Variants in IQCM observed in about 807,000 individuals in gnomAD.
IQCM encodes the protein IQ domain-containing protein M.
In IQCM, 45 loss-of-function variants were observed where a neutral mutation model predicts 57.6. That is an observed-to-expected ratio of 0.78 (90% CI 0.62 to 1.00). The LOEUF (loss-of-function observed/expected upper bound fraction) is 1.00, where lower values mean the gene tolerates loss of function less well. Among genes scored for constraint, IQCM ranks in the 50% least tolerant of loss-of-function variants. IQCM has a pLI of 0.00. For missense variants in IQCM, 468 were observed against 511.6 expected, an observed-to-expected ratio of 0.91 and a Z score of 0.82; for synonymous variants, 148 against 158.9, an observed-to-expected ratio of 0.93 and a Z score of 0.51.
At chr4:149,437,622 C>A (rs780483985) in intron 12 of IQCM, among the ~76,000 whole-genome samples, 4 of 152,010 alleles carry the variant, frequency 2.6e-5, no homozygotes, top group Admixed American at 6.6e-5. Context: ...CTTGGTGCCT[C>A]CCTCCTGCAG....
intron 13 of IQCM, among the ~76,000 whole-genome samples, chr4:149,366,413 C>T (rs1446461205): frequency 6.6e-6 from 1 of 151,796 alleles, no homozygotes; most frequent in Non-Finnish European, 1.5e-5. Flanking sequence ...ATCCTACCTC[C>T]AAAACTTCCC....
intron 12 of IQCM, among the ~76,000 whole-genome samples, chr4:149,505,094 G>A (rs891041923): frequency 6.6e-6 from 1 of 152,108 alleles, no homozygotes; most frequent in Non-Finnish European, 1.5e-5. Context: ...AGTAGTCCAA[G>A]TGAACTAAGA....
intron 12 of IQCM, among the ~76,000 whole-genome samples, chr4:149,513,312 A>G (rs1404498823): frequency 6.6e-6 from 1 of 152,202 alleles, no homozygotes; most frequent in East Asian, 1.9e-4. Flanking sequence ...TGCCCAAGTC[A>G]TCCTTATGTT....
At chr4:149,508,082 G>A (rs947296385) in intron 12 of IQCM, among the ~76,000 whole-genome samples, 6 of 151,994 alleles carry the variant, frequency 3.9e-5, no homozygotes, top group South Asian at 4.2e-4. Context: ...GAAGAATTGA[G>A]GTTTGGGAAC....
intron 13 of IQCM, among the ~76,000 whole-genome samples, chr4:149,363,123 A>C (rs2110929833): frequency 6.6e-6 from 1 of 152,366 alleles, no homozygotes; most frequent in Non-Finnish European, 1.5e-5. Context: ...TGGGTTGCTG[A>C]GAGCACAGAG....
At chr4:149,386,774 T>C (rs1191781451) in intron 13 of IQCM, among the ~76,000 whole-genome samples, 2 of 152,060 alleles carry the variant, frequency 1.3e-5, no homozygotes, top group Non-Finnish European at 2.9e-5. Context: ...GGTCAGGTGT[T>C]CTATAGAATG....
intron 2 of IQCM, among the ~76,000 whole-genome samples, chr4:149,798,796 T>A (rs1369232264): frequency 1.3e-5 from 2 of 151,780 alleles, no homozygotes; most frequent in Non-Finnish European, 3.0e-5. Flanking sequence ...AGGGTGCATA[T>A]ATATGTATCT....
At chr4:149,408,449 T>C (rs1733138443) in intron 13 of IQCM, among the ~76,000 whole-genome samples, 1 of 152,174 alleles carries the variant, frequency 6.6e-6, no homozygotes, top group Non-Finnish European at 1.5e-5. Context: ...AACTGTGGTG[T>C]TGTTTCTTTT....
intron 13 of IQCM, among the ~76,000 whole-genome samples, chr4:149,419,650 TTAAAC>T: frequency 6.6e-6 from 1 of 152,224 alleles, no homozygotes; most frequent in East Asian, 1.9e-4. Context: ...TGGGATCTGA[TTAAAC>T]TAAAGAGTTT....
At chr4:149,591,698 C>T (rs573163737) in intron 8 of IQCM, among the ~76,000 whole-genome samples, 2 of 152,152 alleles carry the variant, frequency 1.3e-5, no homozygotes, top group South Asian at 2.1e-4. Context: ...CACAAACATG[C>T]GGTGTTTGGT....
chr4:149,618,688 A>C (rs1427825336), intron 8 of IQCM, among the ~76,000 whole-genome samples: 1 of 152,194 alleles, frequency 6.6e-6, no homozygotes, highest in Admixed American at 6.5e-5. Flanking sequence ...ATAAGTGGAC[A>C]TTTTTCAAAA....
chr4:149,471,500 C>A (rs977171989), intron 12 of IQCM, among the ~76,000 whole-genome samples: 4 of 152,134 alleles, frequency 2.6e-5, no homozygotes, highest in Non-Finnish European at 4.4e-5. Context: ...AAAAAAAGTC[C>A]AGGCCCAGAT....
intron 9 of IQCM, among the ~76,000 whole-genome samples, chr4:149,584,941 C>T (rs1186554937): frequency 6.6e-6 from 1 of 151,678 alleles, no homozygotes; most frequent in Non-Finnish European, 1.5e-5. Context: ...TTTTAGTTTG[C>T]TTAACTTCCC....
At chr4:149,728,983 A>C (rs1766212450) in intron 5 of IQCM, among the ~76,000 whole-genome samples, 1 of 152,220 alleles carries the variant, frequency 6.6e-6, no homozygotes, top group Non-Finnish European at 1.5e-5. Flanking sequence ...CATCTTCCCC[A>C]AAGCATATAG....
chr4:149,551,996 A>G (rs1749082311), intron 11 of IQCM, among the ~76,000 whole-genome samples: 1 of 152,032 alleles, frequency 6.6e-6, no homozygotes, highest in Non-Finnish European at 1.5e-5. Flanking sequence ...GCTGGGCTGG[A>G]TGAATTGATC....
intron 9 of IQCM, among the ~76,000 whole-genome samples, chr4:149,574,758 T>C (rs958104713): frequency 3.3e-5 from 5 of 151,972 alleles, no homozygotes; most frequent in African/African-American, 9.7e-5. Context: ...CTAATTAGTT[T>C]TGGCTGATAT....
intron 12 of IQCM, among the ~76,000 whole-genome samples, chr4:149,483,680 T>C (rs1741154899): frequency 6.6e-6 from 1 of 152,064 alleles, no homozygotes; most frequent in Non-Finnish European, 1.5e-5. Flanking sequence ...AGTTGTTTTG[T>C]GACGTAACAT....
intron 12 of IQCM, among the ~76,000 whole-genome samples, chr4:149,538,755 A>G (rs956134681): frequency 1.3e-5 from 2 of 151,940 alleles, no homozygotes; most frequent in Non-Finnish European, 2.9e-5. Context: ...TTACAAGCAA[A>G]AACTTCTTAG....
chr4:149,694,779 G>A (rs1367729760), intron 5 of IQCM, among the ~76,000 whole-genome samples: 26 of 152,104 alleles, frequency 1.7e-4, no homozygotes, highest in Admixed American at 1.7e-3. Context: ...AAATAGTTGG[G>A]CTTGAAGAGC....
Sources: allele counts gnomAD v4.1 joint callset (sites outside exome capture counted in the v4.1 genomes callset), GRCh38; gene constraint gnomAD v4.1.1; transcripts MANE v1.5; gene names NCBI Gene and HGNC (gene_info 2026-07-23, HGNC 2026-07-21).